The following EXOC4 variants were observed in gnomAD, a reference collection of about 807,000 sequenced individuals.
EXOC4 encodes the protein exocyst complex component 4.
Under a neutral mutation model 107.2 loss-of-function variants are expected in EXOC4, and 71 were observed. The ratio of observed to expected loss-of-function variants is 0.66; its 90% CI spans 0.55 to 0.81. EXOC4 has a LOEUF of 0.81. Ranked by LOEUF, EXOC4 falls within the 30% of genes least tolerant of loss-of-function variation. EXOC4 has a pLI of 0.00. For synonymous variants in EXOC4, 456 were observed against 441.2 expected, an observed-to-expected ratio of 1.03 and a Z score of -0.42; for missense variants, 1,108 against 1,189.6, an observed-to-expected ratio of 0.93 and a Z score of 1.01.
At chr7:133,918,043 CGCAATCTCGGCTCACT>C (rs1330371020) in intron 13 of EXOC4, among the ~76,000 whole-genome samples, 3 of 150,122 alleles carry the variant, frequency 2.0e-5, no homozygotes, top group Non-Finnish European at 4.4e-5. Context: ...AGTACAGTGG[CGCAATCTCGGCTCACT>C]GCAAACTCCA....
chr7:134,086,440 A>G, the EXOC4 span, among the ~76,000 whole-genome samples: 3 of 152,210 alleles, frequency 2.0e-5, no homozygotes, highest in Admixed American at 6.5e-5. Context: ...TAAAGTATGT[A>G]GGGGAGCAAA....
intron 8 of EXOC4, chr7:133,478,783 T>G (rs1799081582): frequency 6.6e-6 from 1 of 152,248 alleles, no homozygotes; most frequent in Non-Finnish European, 1.5e-5. Context: ...TTTTTTTTCT[T>G]TGCCGTATCT....
At chr7:134,073,434 A>G in the EXOC4 span, among the ~76,000 whole-genome samples, 1 of 151,370 alleles carries the variant, frequency 6.6e-6, no homozygotes, top group African/African-American at 2.4e-5. Flanking sequence ...CATTTTAGCT[A>G]TTAGCGAGGG....
intron 9 of EXOC4, among the ~76,000 whole-genome samples, chr7:133,602,272 C>A (rs2150987969): frequency 6.6e-6 from 1 of 152,286 alleles, no homozygotes; most frequent in South Asian, 2.1e-4. Flanking sequence ...GCAGGTAGTT[C>A]TTGTACTGGC....
intron 7 of EXOC4, among the ~76,000 whole-genome samples, chr7:133,384,796 G>A (rs2150706584): frequency 6.8e-6 from 1 of 146,098 alleles, no homozygotes. Flanking sequence ...CTTGAGTATA[G>A]CGATAGTTCT....
At chr7:133,604,706 C>CCTTCTTTTTTTTTTTTT (rs1191856891) in intron 9 of EXOC4, among the ~76,000 whole-genome samples, 1 of 87,536 alleles carries the variant, frequency 1.1e-5, no homozygotes, top group African/African-American at 4.4e-5. Context: ...TTCCTTCCTT[C>CCTTCTTTTTTTTTTTTT]TTTCTTTTTT....
rs1050076475 is a variant in EXOC4, at chr7:133,650,216, A to T, written c.1514+20075A>T. 4.6e-5 allele frequency among the ~76,000 whole-genome samples: 7 copies of T among 152,118 alleles called. No individual in the cohort carries two copies. The East Asian group carries it at 1.4e-3, about 29-fold the overall frequency. On this transcript the variant is annotated intron_variant, in intron 10 of 17. Coordinates refer to ENST00000253861, the MANE Select transcript of EXOC4 (RefSeq NM_021807.4). ...ATTAGCAATTGTGTGTGAAATGATT[A>T]TGTGGCAACATTACTAGTGAATTAC...
intron 17 of EXOC4, among the ~76,000 whole-genome samples, chr7:134,063,799 T>C (rs1796125757): frequency 6.6e-6 from 1 of 152,194 alleles, no homozygotes; most frequent in South Asian, 2.1e-4. Context: ...TTTATACGTA[T>C]TAATTAATTC....
rs539538750 is a variant in EXOC4, at chr7:133,323,529, G to A, written c.763+6139G>A. On this transcript the variant is annotated intron_variant, in intron 5 of 17. Transcript: ENST00000253861. ...GGATTATGTTTATTGATTTGTGTAT[G>A]TTGAACCAGCCTTGCATCCCAGGGA... is the stretch of plus-strand genomic sequence containing the variant. Among the ~76,000 whole-genome samples, 3 of 152,248 alleles carry A rather than the reference G, an allele frequency of 2.0e-5. No homozygotes were observed. The South Asian group carries it at 6.2e-4, about 32-fold the overall frequency.
intron 9 of EXOC4, among the ~76,000 whole-genome samples, chr7:133,568,771 T>C (rs1284358457): frequency 6.6e-6 from 1 of 152,192 alleles, no homozygotes; most frequent in Non-Finnish European, 1.5e-5. Context: ...GATTCATCCT[T>C]TCTTTGTATG....
Position 133,374,925 on chromosome 7 carries a change from A to T in EXOC4, c.1105A>T (p.Thr369Ser). Reference protein sequence around the residue: ...VLGYLQDTVVTPLTQQEDIKL... With the variant: ...VLGYLQDTVVSPLTQQEDIKL... ...GGGATACCTGCAGGACACTGTAGTG[A>T]CTCCACTGACTCAGCAGGAAGATAT... The change falls in exon 7 of 18, where the codon ACT (threonine) becomes TCT (serine). Residue 369 changes from threonine to serine, a missense_variant. Coordinates refer to ENST00000253861, the MANE Select transcript of EXOC4 (RefSeq NM_021807.4). 1 of 1,613,976 alleles carries T rather than the reference A, an allele frequency of 6.2e-7. No individual in the cohort carries two copies. The highest frequency in any genetic ancestry group is 8.5e-7 in the Non-Finnish European group (1 of 1,179,922).
At chr7:133,993,449 A>C (rs1794307822) in intron 14 of EXOC4, among the ~76,000 whole-genome samples, 1 of 152,224 alleles carries the variant, frequency 6.6e-6, no homozygotes, top group East Asian at 1.9e-4. Context: ...GAGAAAATGA[A>C]GGGATTACAG....
intron 1 of EXOC4, among the ~76,000 whole-genome samples, chr7:133,259,700 C>T (rs1795099005): frequency 6.6e-6 from 1 of 152,092 alleles, no homozygotes; most frequent in Non-Finnish European, 1.5e-5. Context: ...CAGATTTTAT[C>T]CTCCTAAAGT....
rs1585365825 is a variant in EXOC4 at position 134,064,396 on chromosome 7, G to C, written c.2793G>C (p.Leu931=). 6.2e-7 allele frequency: 1 copy of C among 1,606,482 alleles called. No homozygotes were observed. Among genetic ancestry groups the C allele is most frequent in the South Asian group, 1.1e-5 (1 of 89,838 alleles). ...TGGAGTACATCCACGCTCTGACCCT[G>C]CTGCACCGCAGCCAGACTGGGGTGG... ...TELEYIHALT[L]LHRSQTGVGE... Residue 931 remains leucine, a synonymous_variant, in exon 18 of 18, where the codon CTG becomes CTC. Transcript: ENST00000253861.
intron 8 of EXOC4, 74 bp from the exon 9 acceptor site, chr7:133,479,976 A>G: frequency 1.7e-6 from 2 of 1,186,490 alleles, no homozygotes; most frequent in Non-Finnish European, 2.5e-6. Flanking sequence ...GAGTAGAATA[A>G]TGTGGAATAC....
rs7777216 is a variant in EXOC4, at chr7:133,254,732, A to G, written c.86+1545A>G. 2.3e-3 allele frequency among the ~76,000 whole-genome samples: 346 copies of G among 152,334 alleles called. 1 individual carries two copies. Among genetic ancestry groups the G allele is most frequent in the African/African-American group, 7.6e-3 (318 of 41,572 alleles). On this transcript the variant is annotated intron_variant, in intron 1 of 17. Coordinates refer to ENST00000253861, the MANE Select transcript of EXOC4 (RefSeq NM_021807.4). Reference sequence around the variant, plus strand: ...GTTTACCTGGGGGATAAAACATGTCAGTAAAAATGATGACATAAGACTACG... The same window carrying G: ...GTTTACCTGGGGGATAAAACATGTCGGTAAAAATGATGACATAAGACTACG...
At chr7:133,783,353 G>A (rs769471724) in intron 10 of EXOC4, among the ~76,000 whole-genome samples, 16 of 152,188 alleles carry the variant, frequency 1.1e-4, no homozygotes, top group Non-Finnish European at 1.9e-4. Context: ...TGAAAGAGTA[G>A]ATCATCATCT....
chr7:133,815,903 G>A (rs752189298), intron 10 of EXOC4, among the ~76,000 whole-genome samples: 8 of 152,172 alleles, frequency 5.3e-5, no homozygotes, highest in Non-Finnish European at 7.3e-5. Context: ...TCACTTTGCG[G>A]TACTTTTATC....
intron 7 of EXOC4, among the ~76,000 whole-genome samples, chr7:133,443,315 A>G (rs1798145871): frequency 6.6e-6 from 1 of 152,112 alleles, no homozygotes; most frequent in Non-Finnish European, 1.5e-5. Flanking sequence ...GGGCAAGGGG[A>G]AAGATGAACA....
Sources: allele counts gnomAD v4.1 joint callset (sites outside exome capture counted in the v4.1 genomes callset), GRCh38; gene constraint gnomAD v4.1.1; transcripts MANE v1.5; gene names NCBI Gene and HGNC (gene_info 2026-07-23, HGNC 2026-07-21).